Variants in DDX27 observed in about 807,000 individuals in gnomAD.
The protein encoded by DDX27 is probable ATP-dependent RNA helicase DDX27.
A neutral mutation model predicts 99.3 loss-of-function variants in DDX27; 42 were observed. The observed-to-expected ratio is 0.42, with a 90% confidence interval of 0.33 to 0.55. The LOEUF is 0.55. Among genes scored for constraint, DDX27 ranks in the 20% least tolerant of loss-of-function variants. The pLI is 0.07. For synonymous variants in DDX27, 329 were observed against 353.8 expected (o/e 0.93, Z 0.79); for missense variants, 798 against 976.8 (o/e 0.82, Z 2.44).
In DDX27 at chr20:49,238,962, A is replaced by G; in HGVS notation, c.1701A>G (p.Lys567=). The change falls in exon 15 of 21, where the codon AAA becomes AAG. Residue 567 remains lysine, a synonymous_variant. Transcript: ENST00000618172. ...TCTCCCATTGAGATGTCATCCTCAA[A>G]TTCCGGGACAAGATTGAGAAAATGG... is the stretch of plus-strand genomic sequence containing the variant. The part of the protein sequence containing the change: ...ARILPQDVIL[K]FRDKIEKMEK... The G allele has an allele frequency of 6.2e-7, 1 of 1,613,834 alleles. No homozygotes were observed. The highest frequency in any genetic ancestry group is 8.5e-7 in the Non-Finnish European group (1 of 1,179,804).
intron 6 of DDX27, among the ~76,000 whole-genome samples, chr20:49,225,750 C>G (rs958411861): frequency 6.6e-6 from 1 of 152,192 alleles, no homozygotes. Flanking sequence ...CCACCGCGCC[C>G]GGCCGAGAAC....
intron 7 of DDX27, among the ~76,000 whole-genome samples, chr20:49,227,838 ATT>A (rs35354294): frequency 0.62 from 77,618 of 125,466 alleles, 23,961 homozygotes; most frequent in Non-Finnish European, 0.73. Context: ...AGAGGAGGAA[ATT>A]TTTTTTTTTT....
chr20:49,234,891 A>C (rs1980252835), intron 11 of DDX27, 44 bp from the exon 12 acceptor site: 1 of 1,544,552 alleles, frequency 6.5e-7, no homozygotes, highest in Non-Finnish European at 8.7e-7. Flanking sequence ...ATGTTGAATA[A>C]GAGCCTAGAA....
chr20:49,220,655 C>T (rs961961514), intron 1 of DDX27, among the ~76,000 whole-genome samples: 1 of 152,322 alleles, frequency 6.6e-6, no homozygotes, highest in Admixed American at 6.5e-5. Context: ...GGCCCCCTCT[C>T]GGACAGGCCT....
rs1024247436 is a variant in DDX27, at chr20:49,222,961, C to G, written c.245C>G (p.Ala82Gly). Reference sequence around the variant, plus strand: ...CCTCTTTATTTTTATCTGCAGAGGGCAGCCACTACATTAGATGAGAAGATT... The same window carrying G: ...CCTCTTTATTTTTATCTGCAGAGGGGAGCCACTACATTAGATGAGAAGATT... The part of the protein sequence containing the change: ...DVMSQLKKKR[A>G]ATTLDEKIEK... Residue 82 changes from alanine to glycine, a missense_variant, in exon 3 of 21, where the codon GCA (alanine) becomes GGA (glycine). By Grantham distance (60) the Ala-to-Gly change is moderately conservative. Coordinates refer to ENST00000618172, the MANE Select transcript of DDX27 (RefSeq NM_017895.8). 6.2e-7 allele frequency: 1 copy of G among 1,610,932 alleles called. No homozygotes were observed. Among genetic ancestry groups the G allele is most frequent in the Non-Finnish European group, 8.5e-7 (1 of 1,178,424 alleles).
At chr20:49,233,939 C>G in intron 11 of DDX27, 1 of 500,016 alleles carries the variant, frequency 2.0e-6, no homozygotes. Context: ...CTCCCAACCA[C>G]TTGGCATCAG....
At position 49,236,378 on chromosome 20, in the gene DDX27, C is replaced by T. The variant is rs1194271756; in HGVS notation, c.1555C>T (p.Arg519Trp). 1.2e-6 allele frequency: 2 copies of T among 1,607,980 alleles called. No homozygotes were observed. The highest frequency in any genetic ancestry group is 1.7e-6 in the Non-Finnish European group (2 of 1,177,100). The change falls in exon 14 of 21, where the codon CGG (arginine) becomes TGG (tryptophan). Residue 519 changes from arginine (R) to tryptophan (W), a missense_variant. Transcript: ENST00000618172. The surrounding 1 kb of genome is among the most constrained non-coding windows in gnomAD (Gnocchi z 4.1). ...TAATACCATCAAACATTATGTCCAC[C>T]GGGTGGGGCGAACAGCACGTGCTGG... ...MPNTIKHYVH[R>W]VGRTARAGRA...
intron 19 of DDX27, 73 bp downstream of exon 19, chr20:49,242,754 G>A (rs575524462): frequency 8.1e-6 from 11 of 1,366,070 alleles, no homozygotes; most frequent in Middle Eastern, 1.8e-4. Context: ...ACGGAGTCTC[G>A]CTCTGTCGCC....
intron 3 of DDX27, 46 bp downstream of exon 3, chr20:49,223,062 A>G (rs757431362): frequency 6.5e-7 from 1 of 1,547,556 alleles, no homozygotes; most frequent in South Asian, 1.1e-5. Context: ...CCCACTCTTT[A>G]CTCTCACCAC....
Position 49,222,970 on chromosome 20 carries a change from C to T in DDX27, c.254C>T (p.Thr85Ile). 1 of 1,612,918 alleles carries T rather than the reference C, an allele frequency of 6.2e-7. No homozygotes were observed. The highest frequency in any genetic ancestry group is 8.5e-7 in the Non-Finnish European group (1 of 1,179,562). Residue 85 changes from threonine to isoleucine, a missense_variant, in exon 3 of 21, where the codon ACA (threonine) becomes ATA (isoleucine). Physicochemically the swap from Thr to Ile is moderately conservative, Grantham distance 89 (BLOSUM62 -1). This residue lies in a region of DDX27 where 245 missense variants were observed against 248.8 expected (regional missense o/e 0.98). Coordinates refer to ENST00000618172, the MANE Select transcript of DDX27 (RefSeq NM_017895.8). The part of the protein sequence containing the change: ...SQLKKKRAAT[T>I]LDEKIEKVRK... ...TTTTATCTGCAGAGGGCAGCCACTA[C>T]ATTAGATGAGAAGATTGAGAAAGTT...
Position 49,221,582 on chromosome 20 carries a change from GC to G in DDX27, c.226del (p.Gln76AsnfsTer11). On this transcript the variant is annotated frameshift_variant, in exon 2 of 21. Transcript: ENST00000618172. LOFTEE classifies it high-confidence loss of function. ...AGCTGGGCCCTGGCTGATGTCATGA[GC>G]CAACTCAAGAAGAAGGTGAGACTGA... is the stretch of plus-strand genomic sequence containing the variant. Reference protein sequence around the residue: ...DGSWALADVMSQLKKKRAATT... With the variant: ...DGSWALADVMXQLKKKRAATT... The G allele has an allele frequency of 6.2e-7, 1 of 1,604,456 alleles. No homozygotes were observed. The highest frequency in any genetic ancestry group is 8.5e-7 in the Non-Finnish European group (1 of 1,175,024).
intron 4 of DDX27, among the ~76,000 whole-genome samples, chr20:49,224,193 T>A (rs979460479): frequency 6.6e-6 from 1 of 151,662 alleles, no homozygotes; most frequent in Non-Finnish European, 1.5e-5. Flanking sequence ...TTCTTTTAGG[T>A]TTTCTTTTCT....
At chr20:49,231,845 C>T (rs1374781233) in intron 9 of DDX27, among the ~76,000 whole-genome samples, 1 of 151,338 alleles carries the variant, frequency 6.6e-6, no homozygotes, top group Non-Finnish European at 1.5e-5. Context: ...AATAATTATA[C>T]GAATCCAGAC....
intron 10 of DDX27, 72 bp from the exon 11 acceptor site, chr20:49,233,496 G>T (rs1724973099): frequency 6.2e-7 from 1 of 1,601,430 alleles, no homozygotes; most frequent in African/African-American, 1.3e-5. Context: ...GGGTTTGCCT[G>T]GGGTGAGCAC....
chr20:49,225,768 A>G (rs1438284916), intron 6 of DDX27, among the ~76,000 whole-genome samples: 1 of 152,056 alleles, frequency 6.6e-6, no homozygotes. Flanking sequence ...AACTCTCTTA[A>G]GCAATGAGTT....
chr20:49,223,127 G>C, intron 3 of DDX27, 111 bp downstream of exon 3: 1 of 1,339,618 alleles, frequency 7.5e-7, no homozygotes, highest in Non-Finnish European at 1.0e-6. Flanking sequence ...TGGGGCAGGC[G>C]CACTCTTCTG....
chr20:49,234,590 TGGTTCCTGCCTCC>T (rs1441209149), intron 11 of DDX27: 3 of 181,720 alleles, frequency 1.7e-5, no homozygotes, highest in Non-Finnish European at 3.4e-5. Flanking sequence ...CACTATAAGC[TGGTTCCTGCCTCC>T]GGGCCTTCAT....
chr20:49,219,926 A>T (rs1427152451), intron 1 of DDX27, among the ~76,000 whole-genome samples: 1 of 152,114 alleles, frequency 6.6e-6, no homozygotes, highest in Admixed American at 6.6e-5. Flanking sequence ...TGAATACTTA[A>T]CGCCTGCTAG....
chr20:49,228,624 C>T, intron 7 of DDX27, 91 bp from the exon 8 acceptor site: 1 of 1,227,038 alleles, frequency 8.1e-7, no homozygotes, highest in Admixed American at 2.6e-5. Flanking sequence ...TTTTCCCCAA[C>T]CAGACGTAGT....
Sources: gnomAD v4.1 joint callset for allele counts (sites outside exome capture counted in the v4.1 genomes callset) on GRCh38, gnomAD v4.1.1 for gene constraint, gnomAD v4.1.1 regional missense constraint, Gnocchi (gnomAD v3.1) non-coding constraint, MANE v1.5 for transcripts, NCBI Gene and HGNC (gene_info 2026-07-23, HGNC 2026-07-21) for gene names.